The following UBIAD1 variants were observed in gnomAD, a reference collection of about 807,000 sequenced individuals.
UBIAD1 encodes UbiA prenyltransferase domain containing 1.
In UBIAD1, 12 loss-of-function variants were observed where a neutral mutation model predicts 20.1. The ratio of observed to expected loss-of-function variants is 0.60; its 90% CI spans 0.38 to 0.97. The LOEUF (loss-of-function observed/expected upper bound fraction) is 0.97, where lower values mean the gene tolerates loss of function less well. Ranked by LOEUF, UBIAD1 falls within the 50% of genes least tolerant of loss-of-function variation. The pLI is 0.00. For missense variants in UBIAD1, 333 were observed against 419.5 expected (o/e 0.79, Z 1.80); for synonymous variants, 207 against 189.2 (o/e 1.09, Z -0.77).
Position 11,273,756 on chromosome 1 carries a change from C to G in UBIAD1, c.225C>G (p.Ser75=). The G allele has an allele frequency of 6.2e-7, 1 of 1,614,104 alleles. No individual in the cohort carries two copies. Among genetic ancestry groups the G allele is most frequent in the Non-Finnish European group, 8.5e-7 (1 of 1,180,012 alleles). ...TGGGCAGTGCCCTTGCCTACAGATC[C>G]CACGGTGTCCTGGATCCCAGGCTCT... ...VALGSALAYR[S]HGVLDPRLLV... is the part of the protein sequence containing the mutation. Residue 75 remains serine, a synonymous_variant, in exon 1 of 2, where the codon TCC becomes TCG. Transcript: ENST00000376810. The surrounding 1 kb of genome is among the most constrained non-coding windows in gnomAD (Gnocchi z 4.9).
At chr1:11,283,936 T>C (rs1652325361) in intron 1 of UBIAD1, among the ~76,000 whole-genome samples, 1 of 152,164 alleles carries the variant, frequency 6.6e-6, no homozygotes, top group African/African-American at 2.4e-5. Context: ...CTGCTTTACC[T>C]GTTTCAGTCT....
chr1:11,283,298 C>A (rs1363155906), intron 1 of UBIAD1, among the ~76,000 whole-genome samples: 3 of 152,224 alleles, frequency 2.0e-5, no homozygotes, highest in African/African-American at 7.2e-5. Context: ...AAAACAAGCA[C>A]AGCAAGAGTG....
chr1:11,277,544 G>A (rs1461384403), intron 1 of UBIAD1, among the ~76,000 whole-genome samples: 1 of 151,622 alleles, frequency 6.6e-6, no homozygotes, highest in East Asian at 2.0e-4. Flanking sequence ...AAAGTGCTGG[G>A]ATTACAGGCG....
chr1:11,277,101 G>A (rs1219840351), intron 1 of UBIAD1, among the ~76,000 whole-genome samples: 2 of 151,942 alleles, frequency 1.3e-5, no homozygotes, highest in African/African-American at 4.8e-5. Flanking sequence ...GCTGGGCATG[G>A]TGGTGCATGC....
Position 11,273,547 on chromosome 1 carries a change from G to A in UBIAD1, c.16G>A (p.Val6Ile). The A allele has an allele frequency of 6.2e-7, 1 of 1,612,622 alleles. No individual in the cohort carries two copies. Among genetic ancestry groups the A allele is most frequent in the Non-Finnish European group, 8.5e-7 (1 of 1,180,030 alleles). Reference sequence around the variant, plus strand: ...TGGAGCTTCCATGGCGGCCTCTCAGGTCCTGGGGGAGAAGATTAACATCCT... The same window carrying A: ...TGGAGCTTCCATGGCGGCCTCTCAGATCCTGGGGGAGAAGATTAACATCCT... MAASQ[V>I]LGEKINILSG... is the part of the protein sequence containing the mutation. The change falls in exon 1 of 2, where the codon GTC becomes ATC. Residue 6 changes from valine to isoleucine, a missense_variant. By Grantham distance (29) the Val-to-Ile change is conservative. Transcript: ENST00000376810. This position sits in a 1 kb window ranked among gnomAD's most constrained non-coding sequence, Gnocchi z 4.9.
At chr1:11,292,689 A>G (rs899234432), downstream of UBIAD1, among the ~76,000 whole-genome samples, 2 of 151,094 alleles carry the variant, frequency 1.3e-5, no homozygotes, top group African/African-American at 4.9e-5. Flanking sequence ...ACACACACAC[A>G]CACACACACA....
chr1:11,274,424 G>A (rs1025980931), intron 1 of UBIAD1, among the ~76,000 whole-genome samples: 1 of 151,746 alleles, frequency 6.6e-6, no homozygotes, highest in East Asian at 1.9e-4. Context: ...TCAGCCTCCC[G>A]AGTAGCTGGG....
rs1638251001 is a variant in UBIAD1 at position 11,285,741 on chromosome 1, C to G, written c.627C>G (p.Ser209=). The G allele has an allele frequency of 8.1e-6, 13 of 1,614,180 alleles. No individual in the cohort carries two copies. The highest frequency in any genetic ancestry group is 1.1e-5 in the Non-Finnish European group (13 of 1,180,032). The part of the protein sequence containing the change: ...VMFAYAIQVG[S]LAIFPLVYAI... ...TCGCCTACGCCATCCAGGTGGGGTC[C>G]CTGGCCATCTTCCCACTGGTCTATG... Residue 209 remains serine (S), a synonymous_variant, in exon 2 of 2, where the codon TCC becomes TCG. Transcript: ENST00000376810. The surrounding 1 kb of genome is among the most constrained non-coding windows in gnomAD (Gnocchi z 4.4).
intron 1 of UBIAD1, among the ~76,000 whole-genome samples, chr1:11,281,958 T>A (rs1652255846): frequency 6.6e-6 from 1 of 152,256 alleles, no homozygotes; most frequent in African/African-American, 2.4e-5. Context: ...CTGACTAGCA[T>A]TCCATTGTAA....
intron 1 of UBIAD1, among the ~76,000 whole-genome samples, chr1:11,280,989 G>T (rs113528124): frequency 2.6e-5 from 4 of 151,548 alleles, no homozygotes; most frequent in Non-Finnish European, 5.9e-5. Flanking sequence ...CCCACCTTTT[G>T]CCCTCCCCCC....
At chr1:11,296,116 A>G (rs1215339247), downstream of UBIAD1, 1 of 152,206 alleles carries the variant, frequency 6.6e-6, no homozygotes, top group Non-Finnish European at 1.5e-5. Context: ...AGACCAGTCA[A>G]TTTATTGAAC....
downstream of UBIAD1, among the ~76,000 whole-genome samples, chr1:11,289,903 T>C (rs1222032757): frequency 6.6e-6 from 1 of 152,178 alleles, no homozygotes; most frequent in African/African-American, 2.4e-5. Context: ...GCTAATTTTT[T>C]GTATTTTTAG....
chr1:11,292,374 T>C (rs904355511), downstream of UBIAD1, among the ~76,000 whole-genome samples: 1 of 151,948 alleles, frequency 6.6e-6, no homozygotes, highest in African/African-American at 2.4e-5. Flanking sequence ...CAGTTGGGGG[T>C]GAGTTCCTTG....
rs1651853861 is a variant in UBIAD1, at chr1:11,273,462, C to T, written c.-70C>T. Reference sequence around the variant, plus strand: ...TCGGGCCCTGCTGCCCCGCCCCGTCCTTCCTCCTTCCCGGGCGGTCACTGT... The same window carrying T: ...TCGGGCCCTGCTGCCCCGCCCCGTCTTTCCTCCTTCCCGGGCGGTCACTGT... On this transcript the variant is annotated 5_prime_UTR_variant, in exon 1 of 2. Transcript: ENST00000376810. The surrounding 1 kb of genome is among the most constrained non-coding windows in gnomAD (Gnocchi z 4.9). 1 of 1,592,030 alleles carries T rather than the reference C, an allele frequency of 6.3e-7. No homozygotes were observed. Among genetic ancestry groups the T allele is most frequent in the Admixed American group, 1.7e-5 (1 of 59,918 alleles).
chr1:11,298,569 A>AAAATAAAT (rs368913011), downstream of UBIAD1, among the ~76,000 whole-genome samples: 9,294 of 144,958 alleles, frequency 0.064, 606 homozygotes, highest in African/African-American at 0.16. The surrounding 1 kb of genome is among the most constrained non-coding windows in gnomAD (Gnocchi z 4.0). Context: ...CCTGTCTCCA[A>AAAATAAAT]AAATAAATAA....
intron 1 of UBIAD1, among the ~76,000 whole-genome samples, chr1:11,294,621 G>A (rs1449291727): frequency 6.6e-6 from 1 of 152,198 alleles, no homozygotes; most frequent in African/African-American, 2.4e-5. Flanking sequence ...AGGGTGGGAT[G>A]GCTGCTTCCT....
chr1:11,284,967 G>T (rs1040844265), intron 1 of UBIAD1, among the ~76,000 whole-genome samples: 2 of 152,180 alleles, frequency 1.3e-5, no homozygotes, highest in African/African-American at 2.4e-5. Flanking sequence ...GGATAGTTTT[G>T]AAGGAAGTGG....
chr1:11,285,279 A>G lies in UBIAD1; in HGVS notation c.530-365A>G, dbSNP rs1638237779. On this transcript the variant is annotated intron_variant, in intron 1 of 1. Transcript: ENST00000376810. This position sits in a 1 kb window ranked among gnomAD's most constrained non-coding sequence, Gnocchi z 4.4. The stretch of plus-strand genomic sequence containing the variant: ...CTTGCAGGGGTTGGTGAAGGGTGAA[A>G]GATAGCAAAGAACTGGATTCTAAGA... Among the ~76,000 whole-genome samples, 1 of 152,108 alleles carries G rather than the reference A, an allele frequency of 6.6e-6. No individual in the cohort carries two copies. The highest frequency in any genetic ancestry group is 2.1e-4 in the South Asian group (1 of 4,824).
At chr1:11,278,189 C>T (rs1302579327) in intron 1 of UBIAD1, among the ~76,000 whole-genome samples, 1 of 152,114 alleles carries the variant, frequency 6.6e-6, no homozygotes, top group African/African-American at 2.4e-5. Flanking sequence ...AACTCCTGGC[C>T]TCAAGTGATC....
Sources: gnomAD v4.1 joint callset for allele counts (sites outside exome capture counted in the v4.1 genomes callset) on GRCh38, gnomAD v4.1.1 for gene constraint, Gnocchi (gnomAD v3.1) non-coding constraint, MANE v1.5 for transcripts, NCBI Gene and HGNC (gene_info 2026-07-23, HGNC 2026-07-21) for gene names.